SKOR2: variants seen among roughly 807,000 people sequenced by gnomAD.
SKOR2 encodes LBX1 corepressor 1-like protein.
Under a neutral mutation model 69.1 loss-of-function variants are expected in SKOR2, and 47 were observed. The observed-to-expected ratio is 0.68, with a 90% CI of 0.54 to 0.87. The LOEUF (loss-of-function observed/expected upper bound fraction) is 0.87, where lower values mean the gene tolerates loss of function less well. Among genes scored for constraint, SKOR2 ranks in the 40% least tolerant of loss-of-function variants. The probability of loss-of-function intolerance (pLI) is 0.00; values close to 1 mark genes in which losing one functional copy is unlikely to be tolerated. For synonymous variants in SKOR2, 717 were observed against 672.6 expected (o/e 1.07, Z -1.02); for missense variants, 1,404 against 1,472.2 (o/e 0.95, Z 0.76).
rs2064295502 is a variant in SKOR2, at chr18:47,248,521, C to T, written c.663G>A (p.Gln221=). Residue 221 remains glutamine (Q), a synonymous_variant, in exon 2 of 9, where the codon CAG becomes CAA. Coordinates refer to ENST00000425639, the MANE Select transcript of SKOR2 (RefSeq NM_001278063.4). This position sits in a 1 kb window ranked among gnomAD's most constrained non-coding sequence, Gnocchi z 6.4. The part of the protein sequence containing the change: ...RHLKLTDKSP[Q]DELVFAWEDV... Reference sequence around the variant, plus strand: ...CCTCCCAGGCGAAGACCAGCTCGTCCTGGGGACTCTTGTCGGTGAGCTTGA... The same window carrying T: ...CCTCCCAGGCGAAGACCAGCTCGTCTTGGGGACTCTTGTCGGTGAGCTTGA... The T allele has an allele frequency of 1.3e-6, 2 of 1,537,066 alleles. No individual in the cohort carries two copies. Among genetic ancestry groups the T allele is most frequent in the Non-Finnish European group, 1.7e-6 (2 of 1,146,900 alleles).
At position 47,249,133 on chromosome 18, in the gene SKOR2, C is replaced by A. The variant is rs757136013; in HGVS notation, c.51G>T (p.Pro17=). ...PGPNDILLAS[P]SSAFQPDTLS... ...GCGTGTCGGGCTGGAAGGCGCTCGA[C>A]GGCGACGCCAGCAGGATGTCGTTGG... The change falls in exon 2 of 9, where the codon CCG becomes CCT. Residue 17 remains proline (P), a synonymous_variant. Coordinates refer to ENST00000425639, the MANE Select transcript of SKOR2 (RefSeq NM_001278063.4). 1 of 1,535,844 alleles carries A rather than the reference C, an allele frequency of 6.5e-7. No individual in the cohort carries two copies.
At chr18:47,244,690 G>T (rs1600047435) in intron 4 of SKOR2, among the ~76,000 whole-genome samples, 1 of 152,108 alleles carries the variant, frequency 6.6e-6, no homozygotes, top group East Asian at 1.9e-4. Context: ...TGTGTAACCT[G>T]ATATATTTCT....
At chr18:47,242,041 T>A (rs557504077) in intron 4 of SKOR2, among the ~76,000 whole-genome samples, 214 of 152,324 alleles carry the variant, frequency 1.4e-3, no homozygotes, top group Non-Finnish European at 2.4e-3. Context: ...TTTTACTTAC[T>A]TCCTTTTAGC....
At chr18:47,229,884 T>G (rs545623558) in intron 6 of SKOR2, among the ~76,000 whole-genome samples, 111 of 152,222 alleles carry the variant, frequency 7.3e-4, no homozygotes, top group African/African-American at 2.5e-3. Flanking sequence ...GGCTACAATA[T>G]CTCCTGCCTC....
chr18:47,228,666 A>C (rs1365065328), intron 6 of SKOR2, among the ~76,000 whole-genome samples: 1 of 152,198 alleles, frequency 6.6e-6, no homozygotes, highest in Admixed American at 6.5e-5. Flanking sequence ...AGCTATTGGG[A>C]AAACGTATTC....
At chr18:47,227,966 G>C (rs2064184611) in intron 6 of SKOR2, among the ~76,000 whole-genome samples, 1 of 152,172 alleles carries the variant, frequency 6.6e-6, no homozygotes, top group African/African-American at 2.4e-5. Flanking sequence ...AAGTGAACTG[G>C]ATTTTAAGTG....
rs2144514723 is a variant in SKOR2, at chr18:47,246,712, C to T, written c.2472G>A (p.Gly824=). The T allele has an allele frequency of 6.9e-7, 1 of 1,451,574 alleles. No homozygotes were observed. The highest frequency in any genetic ancestry group is 9.0e-7 in the Non-Finnish European group (1 of 1,115,892). The allele number at this position is 1,451,574 out of a possible 1,614,324, so 89.9% of individuals were successfully genotyped here. A position where few individuals can be genotyped will look rare whatever the true frequency, so the allele number is the denominator to read the frequency against. ...GGTCCGAGCCGGGGTCCCCGAGTTTCCCGTCTTCCTGCAGCAGCCTGGAGG... is the reference window on the plus strand; with the variant it reads ...GGTCCGAGCCGGGGTCCCCGAGTTTTCCGTCTTCCTGCAGCAGCCTGGAGG... ...LNSSRLLQED[G]KLGDPGSDLP... The change falls in exon 2 of 9, where the codon GGG becomes GGA. Residue 824 remains glycine (G), a synonymous_variant. Coordinates refer to ENST00000425639, the MANE Select transcript of SKOR2 (RefSeq NM_001278063.4).
intron 6 of SKOR2, among the ~76,000 whole-genome samples, chr18:47,220,733 A>G (rs1195620292): frequency 6.6e-6 from 1 of 152,220 alleles, no homozygotes. Context: ...TTAGTGTTAC[A>G]TCTTCTCCAC....
rs750657311 is a variant in SKOR2, at chr18:47,247,094, G to C, written c.2090C>G (p.Pro697Arg). The change falls in exon 2 of 9, where the codon CCG (proline) becomes CGG (arginine). Residue 697 changes from proline (P) to arginine (R), a missense_variant. Around this residue, in one of 3 missense-constraint regions of SKOR2, gnomAD observed 1,266 missense variants for 1,309.9 expected, o/e 0.97. Transcript: ENST00000425639. The surrounding 1 kb of genome is among the most constrained non-coding windows in gnomAD (Gnocchi z 6.6). The stretch of plus-strand genomic sequence containing the variant: ...GGGCGGCGGGGGCGGCGGCGGCGGC[G>C]GCGGCGGGGCCGGGTGGTGGCGCTC... ...GSERHHPAPPPPPPPPPPPPL... is the reference protein window; with the variant it reads ...GSERHHPAPPRPPPPPPPPPL... 2.1e-4 allele frequency: 290 copies of C among 1,351,256 alleles called. 3 individuals are homozygous for C. The South Asian group carries it at 3.6e-3, about 17-fold the overall frequency. The allele number at this position is 1,351,256 out of a possible 1,614,324, so 83.7% of individuals were successfully genotyped here. A position where few individuals can be genotyped will look rare whatever the true frequency, so the allele number is the denominator to read the frequency against.
Position 47,247,670 on chromosome 18 carries a change from A to G in SKOR2, c.1514T>C (p.Leu505Pro). ...LGCALGESPA[L>P]LRQAFLDLAE... ...CAGGTCCAGGAAGGCCTGGCGCAGC[A>G]GGGCCGGGCTTTCGCCTAGCGCGCA... Residue 505 changes from leucine (L) to proline (P), a missense_variant, in exon 2 of 9, where the codon CTG becomes CCG. Transcript: ENST00000425639. The surrounding 1 kb of genome is among the most constrained non-coding windows in gnomAD (Gnocchi z 6.6). 7.3e-7 allele frequency: 1 copy of G among 1,366,864 alleles called. No homozygotes were observed. The highest frequency in any genetic ancestry group is 9.4e-7 in the Non-Finnish European group (1 of 1,064,558). 84.7% of individuals were successfully genotyped at this position (1,366,864 alleles called of 1,614,324 possible).
chr18:47,224,409 G>A (rs1398546980), intron 6 of SKOR2, among the ~76,000 whole-genome samples: 1 of 152,150 alleles, frequency 6.6e-6, no homozygotes, highest in Non-Finnish European at 1.5e-5. Context: ...TGCAAACTCA[G>A]ACAGCTGGAA....
rs1283171938 is a variant in SKOR2 at position 47,243,624 on chromosome 18, G to A, written c.2752+1284C>T. Among the ~76,000 whole-genome samples the A allele has an allele frequency of 2.6e-5, 4 of 152,192 alleles. No individual in the cohort carries two copies. In the East Asian group the frequency reaches 7.7e-4, roughly 29 times the overall value. ...TCATACTAGGGAGGAGGTAGTTCCT[G>A]GAAAATATCATTGCCTTTGTGACTT... On this transcript the variant is annotated intron_variant, in intron 4 of 8. Transcript: ENST00000425639.
chr18:47,231,778 G>C (rs939520019), intron 4 of SKOR2, among the ~76,000 whole-genome samples: 1 of 151,510 alleles, frequency 6.6e-6, no homozygotes, highest in Admixed American at 6.6e-5. Context: ...GGGAGGCGGA[G>C]GTTGCGGTGA....
rs2064209255 is a variant in SKOR2 at position 47,233,815 on chromosome 18, TA to T, written c.2753-2816del. ...TGATATGTAAAATGCATTTCTTTCCTACTTCATAATTAGTAGCTTTACATTG... is the reference window on the plus strand; with the variant it reads ...TGATATGTAAAATGCATTTCTTTCCTCTTCATAATTAGTAGCTTTACATTG... On this transcript the variant is annotated intron_variant, in intron 4 of 8. Coordinates refer to ENST00000425639, the MANE Select transcript of SKOR2 (RefSeq NM_001278063.4). Among the ~76,000 whole-genome samples the T allele has an allele frequency of 2.0e-5, 3 of 152,364 alleles. No homozygotes were observed. In the South Asian group the frequency reaches 6.2e-4, roughly 32 times the overall value.
chr18:47,248,246 T>C lies in SKOR2; in HGVS notation c.938A>G (p.Asp313Gly). 1 of 1,222,844 alleles carries C rather than the reference T, an allele frequency of 8.2e-7. No homozygotes were observed. The highest frequency in any genetic ancestry group is 1.0e-6 in the Non-Finnish European group (1 of 983,892). The allele number at this position is 1,222,844 out of a possible 1,614,324, so 75.7% of individuals were successfully genotyped here. A position where few individuals can be genotyped will look rare whatever the true frequency, so the allele number is the denominator to read the frequency against. ...GGCCTCCTGCAAGGAGTCGTCGTCG[T>C]CGTCGAAGCGCGGCCGCTTGTGATG... ...HAHHKRPRFD[D>G]DDDSLQEAAV... The change falls in exon 2 of 9, where the codon GAC becomes GGC. Residue 313 changes from aspartate (D) to glycine (G), a missense_variant. Asp to Gly is a moderately conservative substitution (Grantham distance 94). Around this residue, in one of 3 missense-constraint regions of SKOR2, gnomAD observed 1,266 missense variants for 1,309.9 expected, o/e 0.97. Transcript: ENST00000425639. The surrounding 1 kb of genome is among the most constrained non-coding windows in gnomAD (Gnocchi z 6.4).
chr18:47,231,172 A>C (rs958586339), intron 4 of SKOR2, 172 bp from the exon 5 acceptor site: 82 of 1,535,878 alleles, frequency 5.3e-5, no homozygotes, highest in Non-Finnish European at 7.1e-5. Context: ...CTCCTGAAAC[A>C]CGGAGGGGAG....
intron 4 of SKOR2, among the ~76,000 whole-genome samples, chr18:47,240,722 G>A (rs1274137952): frequency 6.6e-6 from 1 of 152,084 alleles, no homozygotes; most frequent in African/African-American, 2.4e-5. Context: ...AATATCAACT[G>A]GAACAAAGTA....
At chr18:47,240,166 A>T (rs1272245286) in intron 4 of SKOR2, among the ~76,000 whole-genome samples, 2 of 152,194 alleles carry the variant, frequency 1.3e-5, no homozygotes, top group Non-Finnish European at 2.9e-5. Context: ...CTATACATAT[A>T]AAAAGATGCA....
chr18:47,249,098 G>A lies in SKOR2; in HGVS notation c.86C>T (p.Pro29Leu), dbSNP rs762826797. 10 of 1,536,122 alleles carry A rather than the reference G, an allele frequency of 6.5e-6. No individual in the cohort carries two copies. In the Admixed American group the frequency reaches 1.8e-4, roughly 27 times the overall value. The change falls in exon 2 of 9, where the codon CCG becomes CTG. Residue 29 changes from proline to leucine, a missense_variant. This residue lies in a region of SKOR2 where 104 missense variants were observed against 95.7 expected (regional missense o/e 1.09). Transcript: ENST00000425639. ...SAFQPDTLSQ[P>L]RPGHANLKPN... Reference sequence around the variant, plus strand: ...TTTGAGGTTGGCGTGCCCTGGCCGCGGCTGGCTCAGCGTGTCGGGCTGGAA... The same window carrying A: ...TTTGAGGTTGGCGTGCCCTGGCCGCAGCTGGCTCAGCGTGTCGGGCTGGAA...
Sources: allele counts gnomAD v4.1 joint callset (sites outside exome capture counted in the v4.1 genomes callset), GRCh38; gene constraint gnomAD v4.1.1; regional missense constraint gnomAD v4.1.1; non-coding constraint Gnocchi (gnomAD v3.1); transcripts MANE v1.5; gene names NCBI Gene and HGNC (gene_info 2026-07-23, HGNC 2026-07-21).